SNAP29: variants seen among roughly 807,000 people sequenced by gnomAD.
SNAP29 encodes the protein synaptosomal-associated protein 29.
Under a neutral mutation model 27.9 loss-of-function variants are expected in SNAP29, and 13 were observed. The observed-to-expected ratio is 0.47, with a 90% CI of 0.30 to 0.74. SNAP29 has a LOEUF of 0.74. SNAP29 is among the 30% of genes least tolerant of loss of function. The pLI, the probability that SNAP29 is intolerant of heterozygous loss-of-function variation, is 0.06. For synonymous variants in SNAP29, 119 were observed against 127.1 expected (o/e 0.94, Z 0.43); for missense variants, 368 against 336.5 (o/e 1.09, Z -0.73).
intron 2 of SNAP29, among the ~76,000 whole-genome samples, chr22:20,874,139 G>A (rs1162580087): frequency 1.2e-4 from 18 of 149,426 alleles, no homozygotes; most frequent in South Asian, 6.4e-4. Context: ...TCCGGGTGTG[G>A]TGGCGGGCGC....
chr22:20,867,598 G>A (rs1326415347), intron 1 of SNAP29, among the ~76,000 whole-genome samples: 1 of 152,138 alleles, frequency 6.6e-6, no homozygotes, highest in African/African-American at 2.4e-5. Flanking sequence ...ATGACCTCTG[G>A]TGAACACTAG....
chr22:20,859,708 T>A, intron 1 of SNAP29: 1 of 313,014 alleles, frequency 3.2e-6, no homozygotes, highest in South Asian at 3.3e-5. Context: ...TCGACATTAT[T>A]TCCTGTGCAA....
rs566593365 is a variant in SNAP29, at chr22:20,885,678, G to A, written c.620-2001G>A. 3.9e-5 allele frequency among the ~76,000 whole-genome samples: 6 copies of A among 152,342 alleles called. No homozygotes were observed. The East Asian group carries it at 1.2e-3, about 29-fold the overall frequency. ...GTACTGCCCGCCACTAGGAGGTGCT[G>A]AGGGTGCACAGTTGGCACTGTGGAC... On this transcript the variant is annotated intron_variant, in intron 4 of 4. Transcript: ENST00000215730.
chr22:20,859,451 A>G (rs1928170973), intron 1 of SNAP29, 104 bp downstream of exon 1: 3 of 896,136 alleles, frequency 3.3e-6, no homozygotes, highest in Admixed American at 3.6e-5. Flanking sequence ...CAAGTTGCCT[A>G]GCATAGATTC....
rs187372277 is a variant in SNAP29, at chr22:20,879,025, T to C, written c.435-2024T>C. 3.0e-3 allele frequency among the ~76,000 whole-genome samples: 450 copies of C among 152,192 alleles called. 2 individuals are homozygous for C. The highest frequency in any genetic ancestry group is 0.01 in the African/African-American group (428 of 41,544). Reference sequence around the variant, plus strand: ...GACAAAATTTAAAATATAAAAACAGTGGCCGGGTGCAGTGGCTCACGCCTG... The same window carrying C: ...GACAAAATTTAAAATATAAAAACAGCGGCCGGGTGCAGTGGCTCACGCCTG... On this transcript the variant is annotated intron_variant, in intron 2 of 4. Transcript: ENST00000215730.
chr22:20,869,158 A>T (rs571925974), intron 1 of SNAP29, among the ~76,000 whole-genome samples: 1 of 152,300 alleles, frequency 6.6e-6, no homozygotes, highest in South Asian at 2.1e-4. Flanking sequence ...TACTCAGGAG[A>T]CTGAGGCAGG....
chr22:20,889,464 G>A lies in SNAP29; in HGVS notation c.*1628G>A, dbSNP rs1929099981. 6.6e-6 allele frequency: 1 copy of A among 152,190 alleles called. No individual in the cohort carries two copies. Among genetic ancestry groups the A allele is most frequent in the Non-Finnish European group, 1.5e-5 (1 of 68,036 alleles). The allele number at this position is 152,190 out of a possible 1,614,324, so 9.4% of individuals were successfully genotyped here. Reference sequence around the variant, plus strand: ...TTAACGACCATCCCAGGGTGTGAGGGCCTGATTAAAGCTTATCGAACTAGA... The same window carrying A: ...TTAACGACCATCCCAGGGTGTGAGGACCTGATTAAAGCTTATCGAACTAGA... On this transcript the variant is annotated 3_prime_UTR_variant, in exon 5 of 5. Coordinates refer to ENST00000215730, the MANE Select transcript of SNAP29 (RefSeq NM_004782.4).
chr22:20,861,824 G>A (rs1203918734), intron 1 of SNAP29, among the ~76,000 whole-genome samples: 2 of 152,052 alleles, frequency 1.3e-5, no homozygotes, highest in African/African-American at 2.4e-5. Flanking sequence ...TAGTAGAGAC[G>A]GGGTTTCACT....
At chr22:20,883,709 G>T in intron 4 of SNAP29, 140 bp downstream of exon 4, 1 of 715,080 alleles carries the variant, frequency 1.4e-6, no homozygotes, top group African/African-American at 1.7e-5. Context: ...GGTCCATCTT[G>T]CCACCTCACT....
At chr22:20,862,702 A>G (rs1165888628) in intron 1 of SNAP29, among the ~76,000 whole-genome samples, 1 of 152,196 alleles carries the variant, frequency 6.6e-6, no homozygotes, top group Non-Finnish European at 1.5e-5. Context: ...CAGGCCAGGC[A>G]TTGCTGTGAG....
chr22:20,865,858 C>G (rs1601645530), intron 1 of SNAP29, among the ~76,000 whole-genome samples: 1 of 152,342 alleles, frequency 6.6e-6, no homozygotes, highest in East Asian at 1.9e-4. Flanking sequence ...AGAGTATTGT[C>G]AACCAAGGAC....
Position 20,888,847 on chromosome 22 carries a change from A to T in SNAP29, c.*1011A>T, listed in dbSNP as rs1319134526. On this transcript the variant is annotated 3_prime_UTR_variant, in exon 5 of 5. Coordinates refer to ENST00000215730, the MANE Select transcript of SNAP29 (RefSeq NM_004782.4). ...CACTTCTTGCAAGGTAACTTGAATC[A>T]TCACTTATTTCTCTGCCACCTGGTT... 6.6e-6 allele frequency: 1 copy of T among 152,198 alleles called. No homozygotes were observed. The highest frequency in any genetic ancestry group is 2.4e-5 in the African/African-American group (1 of 41,446). The allele number at this position is 152,198 out of a possible 1,614,324, so 9.4% of individuals were successfully genotyped here.
chr22:20,887,868 A>G lies in SNAP29; in HGVS notation c.*32A>G. On this transcript the variant is annotated 3_prime_UTR_variant, in exon 5 of 5. Transcript: ENST00000215730. ...ACGGATTTCCACTCTATTGTGATGA[A>G]AAGATTTGAAAGATCTTTTTTTGAA... 6.3e-7 allele frequency: 1 copy of G among 1,598,382 alleles called. No individual in the cohort carries two copies. Among genetic ancestry groups the G allele is most frequent in the Non-Finnish European group, 8.6e-7 (1 of 1,166,248 alleles).
chr22:20,877,664 C>T (rs1245175248), intron 2 of SNAP29, among the ~76,000 whole-genome samples: 3 of 152,034 alleles, frequency 2.0e-5, no homozygotes, highest in Non-Finnish European at 2.9e-5. Flanking sequence ...TGCAGTGAGC[C>T]GAGGTCATGC....
rs1031829592 is a variant in SNAP29 at position 20,859,155 on chromosome 22, G to A, written c.45G>A (p.Gly15=). The A allele has an allele frequency of 8.1e-6, 13 of 1,607,462 alleles. No homozygotes were observed. Among genetic ancestry groups the A allele is most frequent in the Middle Eastern group, 1.7e-4 (1 of 6,054 alleles). ...PKSYNPFDDD[G]EDEGARPAPW... ...GCTACAATCCGTTCGACGACGACGGGGAGGACGAAGGCGCCCGGCCGGCCC... is the reference window on the plus strand; with the variant it reads ...GCTACAATCCGTTCGACGACGACGGAGAGGACGAAGGCGCCCGGCCGGCCC... Residue 15 remains glycine, a synonymous_variant, in exon 1 of 5, where the codon GGG becomes GGA. Transcript: ENST00000215730.
Position 20,888,003 on chromosome 22 carries a change from C to G in SNAP29, c.*167C>G, listed in dbSNP as rs1403451998. On this transcript the variant is annotated 3_prime_UTR_variant, in exon 5 of 5. Coordinates refer to ENST00000215730, the MANE Select transcript of SNAP29 (RefSeq NM_004782.4). ...TTTGCTGTTATAAGGAAGTGTTTGT[C>G]CCACATTTTCCTAGGGTTAACACCT... 5.8e-6 allele frequency: 4 copies of G among 695,568 alleles called. No individual in the cohort carries two copies. The Admixed American group carries it at 7.1e-5, about 12-fold the overall frequency. The allele number at this position is 695,568 out of a possible 1,614,324, so 43.1% of individuals were successfully genotyped here.
intron 1 of SNAP29, among the ~76,000 whole-genome samples, chr22:20,862,770 T>G (rs1928357164): frequency 1.3e-5 from 2 of 152,144 alleles, no homozygotes; most frequent in Non-Finnish European, 2.9e-5. Flanking sequence ...TGAGACAACA[T>G]GTTGGAATTT....
At chr22:20,877,768 C>T (rs1928783571) in intron 2 of SNAP29, among the ~76,000 whole-genome samples, 1 of 152,116 alleles carries the variant, frequency 6.6e-6, no homozygotes, top group African/African-American at 2.4e-5. Flanking sequence ...CCATTTTTCA[C>T]AAAGAAACCA....
chr22:20,870,342 C>T lies in SNAP29; in HGVS notation c.243C>T (p.Leu81=), dbSNP rs1219243220. The change falls in exon 2 of 5, where the codon CTC becomes CTT. Residue 81 remains leucine, a synonymous_variant. Transcript: ENST00000215730. Reference sequence around the variant, plus strand: ...CTGCCTCTCGGTTTCCCCAGGAGCTCGCCCGTCAGCGAGGAGTCCTGGAGC... The same window carrying T: ...CTGCCTCTCGGTTTCCCCAGGAGCTTGCCCGTCAGCGAGGAGTCCTGGAGC... ...EKVGVASSEE[L]ARQRGVLERT... 14 of 1,613,960 alleles carry T rather than the reference C, an allele frequency of 8.7e-6. No individual in the cohort carries two copies. Among genetic ancestry groups the T allele is most frequent in the African/African-American group, 6.7e-5 (5 of 74,896 alleles).
Sources: allele counts gnomAD v4.1 joint callset (sites outside exome capture counted in the v4.1 genomes callset), GRCh38; gene constraint gnomAD v4.1.1; transcripts MANE v1.5; gene names NCBI Gene and HGNC (gene_info 2026-07-23, HGNC 2026-07-21).